The following ROBO1 variants were observed in gnomAD, a reference collection of about 807,000 sequenced individuals.
ROBO1 encodes roundabout guidance receptor 1.
ROBO1 carries 149 observed loss-of-function variants against 195.9 expected under a neutral mutation model. That is an observed-to-expected ratio of 0.76 (90% confidence interval 0.67 to 0.87). The LOEUF (loss-of-function observed/expected upper bound fraction) is 0.87. Among genes scored for constraint, ROBO1 ranks in the 40% least tolerant of loss-of-function variants. The pLI is 0.00. For synonymous variants in ROBO1, 816 were observed against 733.2 expected, an observed-to-expected ratio of 1.11 and a Z score of -1.82; for missense variants, 1,933 against 2,068.3, an observed-to-expected ratio of 0.93 and a Z score of 1.27.
chr3:79,558,856 T>C (rs147172002), intron 2 of ROBO1, among the ~76,000 whole-genome samples: 2 of 152,320 alleles, frequency 1.3e-5, no homozygotes, highest in African/African-American at 4.8e-5. Flanking sequence ...AATAGCTGTT[T>C]TTTATTTTTC....
intron 2 of ROBO1, among the ~76,000 whole-genome samples, chr3:79,361,538 C>T (rs1342211312): frequency 6.6e-6 from 1 of 151,778 alleles, no homozygotes; most frequent in African/African-American, 2.4e-5. Context: ...CGATTTAATA[C>T]CAGCAAAAGC....
chr3:78,735,895 T>C (rs1326901744), intron 5 of ROBO1, among the ~76,000 whole-genome samples: 1 of 152,176 alleles, frequency 6.6e-6, no homozygotes. Context: ...TAATCCATTA[T>C]GTGACTCAGC....
At chr3:78,888,446 A>G (rs530310314) in intron 4 of ROBO1, among the ~76,000 whole-genome samples, 2 of 152,280 alleles carry the variant, frequency 1.3e-5, no homozygotes, top group African/African-American at 4.8e-5. Flanking sequence ...TTAGAGACTT[A>G]AAATATCTAA....
intron 2 of ROBO1, among the ~76,000 whole-genome samples, chr3:79,143,712 G>A (rs1049046920): frequency 1.2e-4 from 18 of 151,958 alleles, no homozygotes; most frequent in African/African-American, 4.1e-4. Flanking sequence ...ATTTTACCTC[G>A]TTTCCTCCAG....
At chr3:78,679,056 C>G (rs537890146) in intron 10 of ROBO1, among the ~76,000 whole-genome samples, 2 of 152,260 alleles carry the variant, frequency 1.3e-5, no homozygotes, top group East Asian at 3.9e-4. Context: ...AGCATATAAA[C>G]AGAACCAAAG....
intron 4 of ROBO1, among the ~76,000 whole-genome samples, chr3:78,928,358 T>C (rs1278301698): frequency 6.6e-6 from 1 of 152,108 alleles, no homozygotes; most frequent in Non-Finnish European, 1.5e-5. Flanking sequence ...TGAGGGAGGC[T>C]TTAAGAATTA....
intron 2 of ROBO1, among the ~76,000 whole-genome samples, chr3:79,588,726 C>T (rs192198736): frequency 4.6e-5 from 7 of 151,746 alleles, no homozygotes; most frequent in African/African-American, 1.2e-4. Context: ...AATAAGAATA[C>T]GTAGTAATTT....
intron 29 of ROBO1, among the ~76,000 whole-genome samples, chr3:78,602,404 C>T (rs866582551): frequency 1.2e-4 from 19 of 152,276 alleles, no homozygotes; most frequent in South Asian, 2.1e-4. Context: ...GATGTCAACA[C>T]CATGTTTCCT....
chr3:79,087,343 C>T (rs369559352), intron 3 of ROBO1, among the ~76,000 whole-genome samples: 6 of 152,118 alleles, frequency 3.9e-5, no homozygotes, highest in South Asian at 2.1e-4. Context: ...GATTATTTCC[C>T]GTTCATTATT....
intron 2 of ROBO1, among the ~76,000 whole-genome samples, chr3:79,546,936 C>A (rs1028791070): frequency 6.6e-6 from 1 of 151,862 alleles, no homozygotes; most frequent in Non-Finnish European, 1.5e-5. Flanking sequence ...AATCCCAGCA[C>A]CTTGGGAGGC....
At chr3:79,179,193 T>A (rs1012098500) in intron 2 of ROBO1, among the ~76,000 whole-genome samples, 13 of 152,182 alleles carry the variant, frequency 8.5e-5, no homozygotes, top group Non-Finnish European at 1.9e-4. Flanking sequence ...CCATTCAGTT[T>A]AAAATGGAGT....
intron 2 of ROBO1, among the ~76,000 whole-genome samples, chr3:79,170,123 C>T (rs1472874691): frequency 6.6e-6 from 1 of 152,038 alleles, no homozygotes; most frequent in Non-Finnish European, 1.5e-5. Flanking sequence ...GTGTAGGGCT[C>T]TTTCATGAAA....
At chr3:78,767,175 A>G (rs1324978232) in intron 4 of ROBO1, among the ~76,000 whole-genome samples, 1 of 152,040 alleles carries the variant, frequency 6.6e-6, no homozygotes, top group East Asian at 1.9e-4. Flanking sequence ...GTCTTGTGGA[A>G]TAGTGTCAAA....
intron 1 of ROBO1, among the ~76,000 whole-genome samples, chr3:79,711,933 G>C (rs1474080733): frequency 4.9e-5 from 7 of 142,508 alleles, no homozygotes; most frequent in Non-Finnish European, 4.6e-5. Flanking sequence ...GCGGGTGGGT[G>C]GGGGAGCACT....
intron 3 of ROBO1, among the ~76,000 whole-genome samples, chr3:79,086,731 G>A (rs1004464602): frequency 1.3e-5 from 2 of 151,988 alleles, no homozygotes; most frequent in African/African-American, 2.4e-5. Flanking sequence ...CCCCTGCCCT[G>A]CCCCGCTTAC....
intron 1 of ROBO1, among the ~76,000 whole-genome samples, chr3:79,693,611 T>A (rs144991181): frequency 1.0e-3 from 158 of 151,768 alleles, no homozygotes; most frequent in African/African-American, 3.4e-3. Flanking sequence ...TTTATAATTA[T>A]TTTTTCACAG....
chr3:79,530,523 G>A (rs1433133010), intron 2 of ROBO1, among the ~76,000 whole-genome samples: 1 of 152,034 alleles, frequency 6.6e-6, no homozygotes, highest in Non-Finnish European at 1.5e-5. Flanking sequence ...AGTCATATTA[G>A]CTCTTCCTTG....
intron 1 of ROBO1, among the ~76,000 whole-genome samples, chr3:79,610,669 G>A (rs1021451554): frequency 6.6e-6 from 1 of 151,944 alleles, no homozygotes; most frequent in African/African-American, 2.4e-5. Context: ...TCAGATTCTT[G>A]CTGTGGAAAG....
chr3:79,502,245 GGAGGTGTGGAGGGAGATGCGCGGGC>G (rs1027263026), intron 2 of ROBO1, among the ~76,000 whole-genome samples: 1 of 152,216 alleles, frequency 6.6e-6, no homozygotes, highest in Non-Finnish European at 1.5e-5. Flanking sequence ...CAGCTTGCGG[GGAGGTGTGGAGGGAGATGCGCGGGC>G]GGGAACCGGG....
Sources: gnomAD v4.1 joint callset for allele counts (sites outside exome capture counted in the v4.1 genomes callset) on GRCh38, gnomAD v4.1.1 for gene constraint, MANE v1.5 for transcripts, NCBI Gene and HGNC (gene_info 2026-07-23, HGNC 2026-07-21) for gene names.